GPC5: variants seen among roughly 807,000 people sequenced by gnomAD.
GPC5 encodes glypican 5.
GPC5 carries 47 observed loss-of-function variants against 53.9 expected under a neutral mutation model. The ratio of observed to expected loss-of-function variants is 0.87; its 90% CI spans 0.69 to 1.11. The LOEUF (loss-of-function observed/expected upper bound fraction) is 1.11. Among genes scored for constraint, GPC5 ranks in the 50% most tolerant of loss-of-function variants. GPC5 has a pLI of 0.00. For synonymous variants in GPC5, 286 were observed against 263.3 expected (o/e 1.09, Z -0.84); for missense variants, 748 against 713.1 (o/e 1.05, Z -0.56).
chr13:92,807,776 TA>T (rs1034769485), intron 7 of GPC5, among the ~76,000 whole-genome samples: 2 of 152,114 alleles, frequency 1.3e-5, no homozygotes, highest in Non-Finnish European at 2.9e-5. Flanking sequence ...ACACAATTTT[TA>T]AAAGACACAG....
intron 5 of GPC5, among the ~76,000 whole-genome samples, chr13:91,808,401 A>C (rs1839316737): frequency 6.6e-6 from 1 of 152,038 alleles, no homozygotes; most frequent in African/African-American, 2.4e-5. Flanking sequence ...TCTGTTGAGC[A>C]CCTATCTGTC....
At chr13:92,307,251 AG>A (rs1012737787) in intron 7 of GPC5, among the ~76,000 whole-genome samples, 1 of 152,200 alleles carries the variant, frequency 6.6e-6, no homozygotes, top group African/African-American at 2.4e-5. Context: ...AAATTTGTGG[AG>A]TTTGAGACCA....
intron 5 of GPC5, among the ~76,000 whole-genome samples, chr13:91,858,716 G>A (rs2038993761): frequency 6.6e-6 from 1 of 151,934 alleles, no homozygotes; most frequent in African/African-American, 2.4e-5. Flanking sequence ...TTTCACAGTA[G>A]TTTGAGTAGG....
intron 7 of GPC5, among the ~76,000 whole-genome samples, chr13:92,326,475 GT>G (rs1159752986): frequency 1.3e-5 from 2 of 151,926 alleles, no homozygotes; most frequent in Non-Finnish European, 2.9e-5. Flanking sequence ...TTTATTGATT[GT>G]TTTAAAAACT....
At chr13:91,515,181 A>G (rs192857971) in intron 2 of GPC5, among the ~76,000 whole-genome samples, 79 of 152,312 alleles carry the variant, frequency 5.2e-4, no homozygotes, top group African/African-American at 1.9e-3. Context: ...GAGTCGCACT[A>G]TAGTTATCTT....
chr13:91,696,689 T>C (rs1264722880), intron 3 of GPC5, among the ~76,000 whole-genome samples: 1 of 152,176 alleles, frequency 6.6e-6, no homozygotes, highest in African/African-American at 2.4e-5. Context: ...ATATATAAAA[T>C]ACTTCTGTTG....
At chr13:92,142,899 A>C (rs941808193) in intron 6 of GPC5, among the ~76,000 whole-genome samples, 4 of 152,208 alleles carry the variant, frequency 2.6e-5, no homozygotes, top group African/African-American at 9.6e-5. Flanking sequence ...TTGTCTGATA[A>C]TACTTTGAAA....
At chr13:92,564,060 T>C (rs980272447) in intron 7 of GPC5, among the ~76,000 whole-genome samples, 1 of 152,060 alleles carries the variant, frequency 6.6e-6, no homozygotes, top group African/African-American at 2.4e-5. Context: ...TTTACTGTGC[T>C]ATTGCCAAGT....
At chr13:92,146,435 T>A (rs1403211866) in intron 7 of GPC5, among the ~76,000 whole-genome samples, 2 of 152,148 alleles carry the variant, frequency 1.3e-5, no homozygotes, top group African/African-American at 2.4e-5. Context: ...TAACTTTTGA[T>A]GAAAATTATA....
intron 2 of GPC5, among the ~76,000 whole-genome samples, chr13:91,499,734 C>T (rs1884511563): frequency 6.6e-6 from 1 of 152,204 alleles, no homozygotes; most frequent in Non-Finnish European, 1.5e-5. Flanking sequence ...CTTTCAGAGA[C>T]AGCCTGATCA....
chr13:91,794,416 CACACGATTCTA>C (rs2038016293), intron 5 of GPC5, among the ~76,000 whole-genome samples: 1 of 152,166 alleles, frequency 6.6e-6, no homozygotes, highest in South Asian at 2.1e-4. Context: ...CTCAGCCTGT[CACACGATTCTA>C]ACACCTATAA....
At chr13:92,742,329 TG>T (rs1889123215) in intron 7 of GPC5, among the ~76,000 whole-genome samples, 1 of 152,116 alleles carries the variant, frequency 6.6e-6, no homozygotes, top group Non-Finnish European at 1.5e-5. Context: ...GTTTCTCTGA[TG>T]GCCAGTGATG....
chr13:91,777,268 T>C (rs1449836060), intron 5 of GPC5, among the ~76,000 whole-genome samples: 1 of 152,234 alleles, frequency 6.6e-6, no homozygotes, highest in African/African-American at 2.4e-5. Context: ...GCTTATATCC[T>C]TTTTTCTTGT....
intron 6 of GPC5, among the ~76,000 whole-genome samples, chr13:91,981,013 T>C (rs2040352590): frequency 1.3e-5 from 2 of 152,240 alleles, no homozygotes; most frequent in Admixed American, 6.5e-5. Context: ...TTTTTGGACA[T>C]GTGAATTCTT....
chr13:92,684,981 T>C (rs900004032), intron 7 of GPC5, among the ~76,000 whole-genome samples: 2 of 152,254 alleles, frequency 1.3e-5, no homozygotes, highest in African/African-American at 2.4e-5. Flanking sequence ...AATTTTCTAA[T>C]GACATATGAT....
intron 6 of GPC5, chr13:91,996,648 G>C (rs994894505): frequency 1.3e-5 from 2 of 152,132 alleles, no homozygotes; most frequent in African/African-American, 4.8e-5. Flanking sequence ...GCAAGGACTT[G>C]AAAAAGCCCC....
chr13:92,534,321 T>C (rs570401789), intron 7 of GPC5, among the ~76,000 whole-genome samples: 2 of 152,206 alleles, frequency 1.3e-5, no homozygotes, highest in African/African-American at 2.4e-5. Flanking sequence ...AAAATATAGT[T>C]GTGTCCTATA....
At chr13:91,420,640 C>T (rs1388479353) in intron 1 of GPC5, among the ~76,000 whole-genome samples, 1 of 152,128 alleles carries the variant, frequency 6.6e-6, no homozygotes, top group African/African-American at 2.4e-5. Context: ...TTCTGTGTCC[C>T]CACCCAAATC....
chr13:91,475,529 G>A (rs900954382), intron 2 of GPC5, among the ~76,000 whole-genome samples: 1 of 152,146 alleles, frequency 6.6e-6, no homozygotes, highest in African/African-American at 2.4e-5. Context: ...TTTATTTCTT[G>A]TTCATGCGTC....
Sources: gnomAD v4.1 joint callset for allele counts (sites outside exome capture counted in the v4.1 genomes callset) on GRCh38, gnomAD v4.1.1 for gene constraint, MANE v1.5 for transcripts, NCBI Gene and HGNC (gene_info 2026-07-23, HGNC 2026-07-21) for gene names.